The following MDGA2 variants were observed in gnomAD, a reference collection of about 807,000 sequenced individuals.
MDGA2 encodes MAM domain containing glycosylphosphatidylinositol anchor 2, also known as MAM domain-containing glycosylphosphatidylinositol anchor protein 2.
A neutral mutation model predicts 117.8 loss-of-function variants in MDGA2; 40 were observed. The ratio of observed to expected loss-of-function variants is 0.34; its 90% CI spans 0.26 to 0.44. The LOEUF is 0.44. Among genes scored for constraint, MDGA2 ranks in the 20% least tolerant of loss-of-function variants. The pLI, the probability that MDGA2 is intolerant of heterozygous loss-of-function variation, is 1.00. For synonymous variants in MDGA2, 452 were observed against 439.0 expected (o/e 1.03, Z -0.37); for missense variants, 1,123 against 1,250.6 (o/e 0.90, Z 1.54).
intron 8 of MDGA2, among the ~76,000 whole-genome samples, chr14:47,019,742 G>T (rs527904821): frequency 1.9e-4 from 29 of 151,688 alleles, no homozygotes; most frequent in East Asian, 1.6e-3. Context: ...TACTCAGGAC[G>T]CTGAGGCAGG....
chr14:47,615,840 G>A (rs770284979), intron 1 of MDGA2, among the ~76,000 whole-genome samples: 19 of 152,096 alleles, frequency 1.2e-4, no homozygotes, highest in South Asian at 4.1e-4. Flanking sequence ...TGGGATGCCT[G>A]ATACTGACCC....
chr14:47,516,438 A>G (rs892598189), intron 1 of MDGA2, among the ~76,000 whole-genome samples: 1 of 152,134 alleles, frequency 6.6e-6, no homozygotes, highest in African/African-American at 2.4e-5. Flanking sequence ...CTTAGATTCA[A>G]AGGGACACAT....
intron 14 of MDGA2, among the ~76,000 whole-genome samples, chr14:46,856,335 G>C (rs1881267939): frequency 6.7e-6 from 1 of 149,330 alleles, no homozygotes; most frequent in Admixed American, 6.8e-5. Context: ...TTAGACTAAT[G>C]TCTACTATAA....
At chr14:47,658,384 C>T (rs942061493) in intron 1 of MDGA2, among the ~76,000 whole-genome samples, 4 of 152,128 alleles carry the variant, frequency 2.6e-5, no homozygotes, top group Non-Finnish European at 4.4e-5. Context: ...CTTCAGCTCA[C>T]TTTGCCAAGT....
intron 15 of MDGA2, among the ~76,000 whole-genome samples, chr14:46,854,086 C>CA (rs1881168386): frequency 6.6e-6 from 1 of 151,436 alleles, no homozygotes; most frequent in Non-Finnish European, 1.5e-5. Context: ...GTGCAATCTC[C>CA]AAAGCAATTA....
chr14:47,599,988 G>A lies in MDGA2; in HGVS notation c.280+74529C>T, dbSNP rs546382730. ...AGCCAAAATAAGAGCTGATTTGGTTGTTAGTTTACACTATACAGAATAAAG... is the reference window on the plus strand; with the variant it reads ...AGCCAAAATAAGAGCTGATTTGGTTATTAGTTTACACTATACAGAATAAAG... On this transcript the variant is annotated intron_variant, in intron 1 of 16. Transcript: ENST00000399232. Among the ~76,000 whole-genome samples the A allele has an allele frequency of 9.2e-5, 14 of 152,232 alleles. No homozygotes were observed. In the South Asian group the frequency reaches 2.9e-3, roughly 32 times the overall value.
rs192406424 is a variant in MDGA2 at position 47,315,911 on chromosome 14, G to A, written c.281-14361C>T. ...TTTTTTTTTTCACATCTGCCTAATG[G>A]TATTGGCAAAAAAACAAAACAAAAC... On this transcript the variant is annotated intron_variant, in intron 1 of 16. Transcript: ENST00000399232. Among the ~76,000 whole-genome samples, 25 of 149,492 alleles carry A rather than the reference G, an allele frequency of 1.7e-4. No individual in the cohort carries two copies. In the East Asian group the frequency reaches 3.9e-3, roughly 24 times the overall value.
chr14:47,182,974 T>G (rs2139376756), intron 3 of MDGA2, among the ~76,000 whole-genome samples: 1 of 152,288 alleles, frequency 6.6e-6, no homozygotes, highest in Middle Eastern at 3.4e-3. Flanking sequence ...AATCTAAATG[T>G]TGATGATAAT....
chr14:47,608,193 C>A (rs974910157), intron 1 of MDGA2, among the ~76,000 whole-genome samples: 1 of 152,068 alleles, frequency 6.6e-6, no homozygotes, highest in African/African-American at 2.4e-5. Flanking sequence ...TAGCATGTAT[C>A]ATTTCTCATA....
intron 8 of MDGA2, among the ~76,000 whole-genome samples, chr14:47,019,120 A>T (rs1291902166): frequency 1.3e-5 from 2 of 152,170 alleles, no homozygotes; most frequent in Non-Finnish European, 2.9e-5. Context: ...TGAATTCCTC[A>T]CAGCTTTCAA....
chr14:47,309,252 T>TCC (rs1889557871), intron 1 of MDGA2, among the ~76,000 whole-genome samples: 1 of 152,290 alleles, frequency 6.6e-6, no homozygotes, highest in African/African-American at 2.4e-5. Context: ...TTCCATTGGT[T>TCC]ATTTTAAACT....
chr14:46,943,153 C>T lies in MDGA2; in HGVS notation c.2089+14221G>A, dbSNP rs150342490. On this transcript the variant is annotated intron_variant, in intron 9 of 16. Coordinates refer to ENST00000399232, the MANE Select transcript of MDGA2 (RefSeq NM_001113498.3). Reference sequence around the variant, plus strand: ...TATTATTGTGTTCCTCTTTAACTCTCGTAATTACTCTATCTTGAAGTCTAC... The same window carrying T: ...TATTATTGTGTTCCTCTTTAACTCTTGTAATTACTCTATCTTGAAGTCTAC... 8.6e-4 allele frequency among the ~76,000 whole-genome samples: 131 copies of T among 152,104 alleles called. No homozygotes were observed. In the East Asian group the frequency reaches 0.016, roughly 18 times the overall value.
chr14:47,212,697 G>A (rs1359846141), intron 3 of MDGA2, among the ~76,000 whole-genome samples: 1 of 152,090 alleles, frequency 6.6e-6, no homozygotes, highest in Non-Finnish European at 1.5e-5. Flanking sequence ...TTTATAGCGT[G>A]CTTTTGGTTA....
intron 1 of MDGA2, among the ~76,000 whole-genome samples, chr14:47,597,847 C>T (rs899469417): frequency 4.6e-5 from 2 of 43,460 alleles, no homozygotes; most frequent in African/African-American, 1.1e-4. Flanking sequence ...CACACACATA[C>T]ACACACACAC....
chr14:47,350,742 T>C (rs1410531153), intron 1 of MDGA2, among the ~76,000 whole-genome samples: 2 of 152,236 alleles, frequency 1.3e-5, no homozygotes, highest in African/African-American at 4.8e-5. Context: ...TCCATTTCAA[T>C]AGCTCTCAAG....
At chr14:47,147,939 T>C (rs912750775) in intron 3 of MDGA2, among the ~76,000 whole-genome samples, 2 of 152,190 alleles carry the variant, frequency 1.3e-5, no homozygotes, top group Admixed American at 6.5e-5. Flanking sequence ...CCCTTGATCA[T>C]AATATCTTCT....
intron 1 of MDGA2, among the ~76,000 whole-genome samples, chr14:47,383,303 A>G (rs1249418096): frequency 6.6e-6 from 1 of 152,116 alleles, no homozygotes; most frequent in African/African-American, 2.4e-5. Flanking sequence ...TATGTAAAAA[A>G]CATGCATGTT....
intron 1 of MDGA2, chr14:47,342,961 AG>A: frequency 1.5e-6 from 1 of 648,774 alleles, no homozygotes; most frequent in Non-Finnish European, 2.5e-6. Flanking sequence ...TCACAGTAGT[AG>A]GAGGAAGGAA....
chr14:47,403,217 G>A (rs189705193), intron 1 of MDGA2, among the ~76,000 whole-genome samples: 1 of 152,228 alleles, frequency 6.6e-6, no homozygotes, highest in Admixed American at 6.5e-5. Context: ...TTAAGTCCCA[G>A]ATGTCCTACC....
Sources: allele counts gnomAD v4.1 joint callset (sites outside exome capture counted in the v4.1 genomes callset), GRCh38; gene constraint gnomAD v4.1.1; transcripts MANE v1.5; gene names NCBI Gene and HGNC (gene_info 2026-07-23, HGNC 2026-07-21).